Variants in TBC1D10C observed in about 807,000 individuals in gnomAD.
TBC1D10C encodes the protein TBC1 domain family member 10C.
In TBC1D10C, 49 loss-of-function variants were observed where a neutral mutation model predicts 51.0. The ratio of observed to expected loss-of-function variants is 0.96; its 90% CI spans 0.76 to 1.22. The LOEUF (loss-of-function observed/expected upper bound fraction) is 1.22. Among genes scored for constraint, TBC1D10C ranks in the 50% most tolerant of loss-of-function variants. The probability of loss-of-function intolerance (pLI) is 0.00; values close to 1 mark genes in which losing one functional copy is unlikely to be tolerated. For missense variants in TBC1D10C, 541 were observed against 617.5 expected, an observed-to-expected ratio of 0.88 and a Z score of 1.31; for synonymous variants, 281 against 266.7, an observed-to-expected ratio of 1.05 and a Z score of -0.52.
Position 67,405,395 on chromosome 11 carries a change from A to C in TBC1D10C, c.253-4A>C. ...CCTAGTGGAGCCCTTGGCCTCACCC[A>C]CAGGTAAAGATGCAGTGCCGGAAAG... On this transcript the variant is annotated splice_region_variant and splice_polypyrimidine_tract_variant and intron_variant, in intron 2 of 8. Coordinates refer to ENST00000542590, the MANE Select transcript of TBC1D10C (RefSeq NM_001369496.1). The C allele has an allele frequency of 1.2e-6, 2 of 1,613,086 alleles. No homozygotes were observed. The highest frequency in any genetic ancestry group is 1.7e-6 in the Non-Finnish European group (2 of 1,179,794).
At chr11:67,406,190 T>TCCAGGAACCTGGGACCCTTGACC in intron 5 of TBC1D10C, 173 bp downstream of exon 5, 2 of 570,742 alleles carry the variant, frequency 3.5e-6, no homozygotes, top group Non-Finnish European at 6.0e-6. Context: ...TGACCTTGAC[T>TCCAGGAACCTGGGACCCTTGACC]CCAGGAACCT....
At chr11:67,405,258 G>T in intron 2 of TBC1D10C, 74 bp downstream of exon 2, 1 of 1,515,906 alleles carries the variant, frequency 6.6e-7, no homozygotes. Flanking sequence ...TTGGCAAAAT[G>T]TACCCACCCT....
Position 67,409,492 on chromosome 11 carries a change from C to T in TBC1D10C, c.1079C>T (p.Pro360Leu), listed in dbSNP as rs1456950730. The change falls in exon 9 of 9, where the codon CCC becomes CTC. Residue 360 changes from proline to leucine, a missense_variant. Coordinates refer to ENST00000542590, the MANE Select transcript of TBC1D10C (RefSeq NM_001369496.1). The part of the protein sequence containing the change: ...LAQLPDSAPG[P>L]PPRPQVRLAG... ...CAGCTGCCCGATTCCGCGCCGGGACCCCCGCCCCGGCCACAGGTCCGCCTC... is the reference window on the plus strand; with the variant it reads ...CAGCTGCCCGATTCCGCGCCGGGACTCCCGCCCCGGCCACAGGTCCGCCTC... The T allele has an allele frequency of 3.9e-6, 6 of 1,548,380 alleles. No individual in the cohort carries two copies. Among genetic ancestry groups the T allele is most frequent in the Non-Finnish European group, 4.4e-6 (5 of 1,146,320 alleles).
Position 67,409,868 on chromosome 11 carries a change from C to A in TBC1D10C, c.*114C>A. 1.1e-6 allele frequency: 1 copy of A among 932,096 alleles called. No individual in the cohort carries two copies. The highest frequency in any genetic ancestry group is 1.6e-6 in the Non-Finnish European group (1 of 635,872). The allele number at this position is 932,096 out of a possible 1,614,324, so 57.7% of individuals were successfully genotyped here. A position where few individuals can be genotyped will look rare whatever the true frequency, so the allele number is the denominator to read the frequency against. On this transcript the variant is annotated 3_prime_UTR_variant, in exon 9 of 9. Transcript: ENST00000542590. The stretch of plus-strand genomic sequence containing the variant: ...CTCGGGGACTTGGCTTCCTTCCTGG[C>A]AAGGACCAGGCAGTGGGGAAGGAGG...
chr11:67,406,099 A>T, intron 5 of TBC1D10C, 82 bp downstream of exon 5: 1 of 1,193,444 alleles, frequency 8.4e-7, no homozygotes, highest in Non-Finnish European at 1.1e-6. Flanking sequence ...GGCCTCAGAA[A>T]CCTGCAATCC....
intron 7 of TBC1D10C, chr11:67,407,258 A>T: frequency 1.9e-6 from 1 of 522,748 alleles, no homozygotes; most frequent in Non-Finnish European, 3.3e-6. Flanking sequence ...ATCACAGCAC[A>T]TGGAGGCCTG....
At chr11:67,407,132 G>C in intron 7 of TBC1D10C, 116 bp downstream of exon 7, 1 of 1,226,382 alleles carries the variant, frequency 8.2e-7, no homozygotes, top group Non-Finnish European at 1.1e-6. Flanking sequence ...GTGTGCCGAA[G>C]GTGATGGCCT....
At chr11:67,407,260 G>A in intron 7 of TBC1D10C, 1 of 521,004 alleles carries the variant, frequency 1.9e-6, no homozygotes, top group Non-Finnish European at 3.4e-6. Context: ...CACAGCACAT[G>A]GAGGCCTGAG....
intron 7 of TBC1D10C, 164 bp from the exon 8 acceptor site, chr11:67,408,815 C>A (rs377178045): frequency 2.3e-5 from 20 of 865,070 alleles, no homozygotes; most frequent in Non-Finnish European, 3.3e-5. Flanking sequence ...GCCAGTACAG[C>A]GGCCTGTGTT....
In TBC1D10C at chr11:67,404,290, G is replaced by C; in HGVS notation, c.88G>C (p.Gly30Arg). 1 of 1,602,470 alleles carries C rather than the reference G, an allele frequency of 6.2e-7. No individual in the cohort carries two copies. Among genetic ancestry groups the C allele is most frequent in the Non-Finnish European group, 8.5e-7 (1 of 1,171,996 alleles). ...SSLGSDSELS[G>R]PGPYRQADRY... ...CTTGGGGTCCGACTCAGAGCTCAGC[G>C]GGCCTGGCCCATATCGCCAGGCCGA... The change falls in exon 1 of 9, where the codon GGG (glycine) becomes CGG (arginine). Residue 30 changes from glycine (G) to arginine (R), a missense_variant. By Grantham distance (125) the Gly-to-Arg change is moderately radical. Transcript: ENST00000542590.
chr11:67,407,015 G>GGGTGAGTGGGGCAGCC lies in TBC1D10C; in HGVS notation c.838_838+15dup. 6.2e-7 allele frequency: 1 copy of GGGTGAGTGGGGCAGCC among 1,609,450 alleles called. No homozygotes were observed. The highest frequency in any genetic ancestry group is 8.5e-7 in the Non-Finnish European group (1 of 1,178,480). The stretch of plus-strand genomic sequence containing the variant: ...GTGTCTGGGATGCCTTCCTCAGTGA[G>GGGTGAGTGGGGCAGCC]GGTGAGTGGGGCAGCCAGTGGCTGG... On this transcript the variant is annotated frameshift_variant and splice_region_variant, in exon 7 of 9. Transcript: ENST00000542590. LOFTEE classifies it high-confidence loss of function.
In TBC1D10C at chr11:67,405,380, C is replaced by G. The variant is rs752031523; in HGVS notation, c.253-19C>G. ...GAGCTATGGAGGCTGCCTAGTGGAG[C>G]CCTTGGCCTCACCCACAGGTAAAGA... On this transcript the variant is annotated intron_variant, in intron 2 of 8. Coordinates refer to ENST00000542590, the MANE Select transcript of TBC1D10C (RefSeq NM_001369496.1). 6.2e-7 allele frequency: 1 copy of G among 1,610,524 alleles called. No individual in the cohort carries two copies. Among genetic ancestry groups the G allele is most frequent in the African/African-American group, 1.3e-5 (1 of 74,900 alleles).
chr11:67,406,781 G>A, intron 6 of TBC1D10C, 46 bp from the exon 7 acceptor site: 1 of 1,610,138 alleles, frequency 6.2e-7, no homozygotes, highest in South Asian at 1.1e-5. Flanking sequence ...GTTGAGCCTG[G>A]GCTCTGGGGG....
intron 7 of TBC1D10C, chr11:67,407,989 A>AGCAGGGCTGG (rs1169984633): frequency 6.6e-6 from 1 of 152,280 alleles, no homozygotes; most frequent in Non-Finnish European, 1.5e-5. Flanking sequence ...AGACCTCGAG[A>AGCAGGGCTGG]GCAGGGCTGG....
intron 5 of TBC1D10C, 148 bp downstream of exon 5, chr11:67,406,165 G>A: frequency 1.5e-6 from 1 of 654,376 alleles, no homozygotes; most frequent in South Asian, 2.3e-5. Flanking sequence ...CAGCCTCAGT[G>A]ACCTTCAAGC....
rs201269302 is a variant in TBC1D10C at position 67,404,330 on chromosome 11, T to C, written c.128T>C (p.Ile43Thr). The C allele has an allele frequency of 5.0e-5, 79 of 1,591,406 alleles. No individual in the cohort carries two copies. The highest frequency in any genetic ancestry group is 1.7e-4 in the Middle Eastern group (1 of 6,002). The change falls in exon 1 of 9, where the codon ATT becomes ACT. Residue 43 changes from isoleucine (I) to threonine (T), a missense_variant. Physicochemically the swap from Ile to Thr is moderately conservative, Grantham distance 89. Coordinates refer to ENST00000542590, the MANE Select transcript of TBC1D10C (RefSeq NM_001369496.1). ...PYRQADRYGF[I>T]GGSSAEPGPG... ...CGCCAGGCCGACCGCTATGGATTCA[T>C]TGGGGGCAGCTCAGCAGAGCCAGGG...
In TBC1D10C at chr11:67,410,007, G is replaced by T. The variant is rs1172297839; in HGVS notation, c.*253G>T. ...TGCCCAGGCCCTCACAAGTACCAAA[G>T]CCAGCACCAAAGGAGTCAGGGAAGG... On this transcript the variant is annotated 3_prime_UTR_variant, in exon 9 of 9. Coordinates refer to ENST00000542590, the MANE Select transcript of TBC1D10C (RefSeq NM_001369496.1). The T allele has an allele frequency of 6.4e-6, 3 of 470,322 alleles. No homozygotes were observed. In the Admixed American group the frequency reaches 1.2e-4, roughly 19 times the overall value. 29.1% of individuals were successfully genotyped at this position (470,322 alleles called of 1,614,324 possible).
Position 67,405,172 on chromosome 11 carries a change from G to A in TBC1D10C, c.240G>A (p.Arg80=). 1 of 1,551,396 alleles carries A rather than the reference G, an allele frequency of 6.4e-7. No individual in the cohort carries two copies. The highest frequency in any genetic ancestry group is 8.7e-7 in the Non-Finnish European group (1 of 1,146,918). The change falls in exon 2 of 9, where the codon CGG becomes CGA. Residue 80 remains arginine (R), a synonymous_variant. Transcript: ENST00000542590. The part of the protein sequence containing the change: ...MTSHWEKTMS[R]RYKKVKMQCR... Reference sequence around the variant, plus strand: ...CGCACTGGGAGAAAACCATGTCCCGGCGGTACAAGAAGGTGAGGGGGGCAG... The same window carrying A: ...CGCACTGGGAGAAAACCATGTCCCGACGGTACAAGAAGGTGAGGGGGGCAG...
At chr11:67,404,592 C>T (rs1012793769) in intron 1 of TBC1D10C, among the ~76,000 whole-genome samples, 8 of 152,136 alleles carry the variant, frequency 5.3e-5, no homozygotes, top group African/African-American at 1.9e-4. Flanking sequence ...GGCAGAACAT[C>T]CTTCCCCTTT....
Sources: allele counts gnomAD v4.1 joint callset (sites outside exome capture counted in the v4.1 genomes callset), GRCh38; gene constraint gnomAD v4.1.1; transcripts MANE v1.5; gene names NCBI Gene and HGNC (gene_info 2026-07-23, HGNC 2026-07-21).